Variants in USP6 observed in about 807,000 individuals in gnomAD.
The protein encoded by USP6 is ubiquitin specific peptidase 6.
A neutral mutation model predicts 175.7 loss-of-function variants in USP6; 128 were observed. The ratio of observed to expected loss-of-function variants is 0.73; its 90% CI spans 0.63 to 0.84. USP6 has a LOEUF of 0.84. Among genes scored for constraint, USP6 ranks in the 40% least tolerant of loss-of-function variants. The pLI, the probability that USP6 is intolerant of heterozygous loss-of-function variation, is 0.00. For missense variants in USP6, 1,498 were observed against 1,760.3 expected (o/e 0.85, Z 2.67); for synonymous variants, 562 against 630.6 (o/e 0.89, Z 1.63).
chr17:5,137,185 G>T lies in USP6; in HGVS notation c.824G>T (p.Gly275Val). 1 of 1,612,894 alleles carries T rather than the reference G, an allele frequency of 6.2e-7. No individual in the cohort carries two copies. Among genetic ancestry groups the T allele is most frequent in the East Asian group, 2.2e-5 (1 of 44,854 alleles). Residue 275 changes from glycine to valine, a missense_variant and splice_region_variant, in exon 19 of 38, where the codon GGG becomes GTG. By Grantham distance (109) the Gly-to-Val change is moderately radical. Transcript: ENST00000574788. ...TGCCTTCTCCGGAACCTGATTGACGGGGTAAGGAGGCATAGGGAGACCCTG... is the reference window on the plus strand; with the variant it reads ...TGCCTTCTCCGGAACCTGATTGACGTGGTAAGGAGGCATAGGGAGACCCTG... ...LGCLLRNLID[G>V]ISLGLTLRLW... is the part of the protein sequence containing the mutation.
At chr17:5,131,253 A>G (rs1444350720) in intron 11 of USP6, among the ~76,000 whole-genome samples, 1 of 151,586 alleles carries the variant, frequency 6.6e-6, no homozygotes, top group African/African-American at 2.4e-5. Flanking sequence ...CAGTGAGACT[A>G]GGGAGGCAGC....
chr17:5,141,278 C>G (rs1003103700), intron 22 of USP6, 147 bp from the exon 23 acceptor site: 10 of 675,328 alleles, frequency 1.5e-5, no homozygotes, highest in Non-Finnish European at 2.1e-5. Flanking sequence ...GTAACCTCAT[C>G]ATTAAGCAAT....
At position 5,159,009 on chromosome 17, in the gene USP6, T is replaced by C. The variant is rs77868015; in HGVS notation, c.2829-2519T>C. On this transcript the variant is annotated intron_variant, in intron 31 of 37. Transcript: ENST00000574788. ...TTTTTATAGTTGTGTAAAGAATACA[T>C]GGGGTATTTCATTGCATAGTTCTCA... 3.9e-3 allele frequency among the ~76,000 whole-genome samples: 594 copies of C among 152,296 alleles called. 5 individuals are homozygous for C. Among genetic ancestry groups the C allele is most frequent in the Non-Finnish European group, 6.2e-3 (419 of 68,028 alleles).
chr17:5,137,303 G>A lies in USP6; in HGVS notation c.825+117G>A, dbSNP rs1299613552. 1.7e-5 allele frequency: 23 copies of A among 1,345,600 alleles called. No individual in the cohort carries two copies. In the East Asian group the frequency reaches 2.1e-4, roughly 12 times the overall value. 83.4% of individuals were successfully genotyped at this position (1,345,600 alleles called of 1,614,324 possible). On this transcript the variant is annotated intron_variant, in intron 19 of 37. Coordinates refer to ENST00000574788, the MANE Select transcript of USP6 (RefSeq NM_001304284.2). ...CCACAGGAGGCTCAGGCGGGTCCCCGAAGGACACACAAGCAAAACCCTCTG... is the reference window on the plus strand; with the variant it reads ...CCACAGGAGGCTCAGGCGGGTCCCCAAAGGACACACAAGCAAAACCCTCTG...
chr17:5,170,764 A>T lies in USP6; in HGVS notation c.3803A>T (p.Asn1268Ile), dbSNP rs748123477. The T allele has an allele frequency of 6.2e-7, 1 of 1,613,950 alleles. No individual in the cohort carries two copies. The highest frequency in any genetic ancestry group is 1.1e-5 in the South Asian group (1 of 91,072). Residue 1268 changes from asparagine (N) to isoleucine (I), a missense_variant, in exon 36 of 38, where the codon AAT (asparagine) becomes ATT (isoleucine). Transcript: ENST00000574788. ...CAGGACCATGAGGTAGCTTTGGCCA[A>T]TGGATTCCTTTATGAGCATGAAGCA... ...TPQDHEVALA[N>I]GFLYEHEACG... is the part of the protein sequence containing the mutation.
chr17:5,116,804 A>G (rs965548969), intron 1 of USP6, 64 bp downstream of exon 1: 3 of 152,284 alleles, frequency 2.0e-5, no homozygotes, highest in African/African-American at 7.2e-5. Flanking sequence ...CAGGGTTAAC[A>G]GTTGCACTCA....
At chr17:5,165,778 A>G (rs2074084446) in intron 33 of USP6, among the ~76,000 whole-genome samples, 1 of 152,188 alleles carries the variant, frequency 6.6e-6, no homozygotes, top group African/African-American at 2.4e-5. Context: ...AAACAGTAGT[A>G]GAGGATCTAA....
chr17:5,172,490 C>T (rs1337391089), intron 37 of USP6, among the ~76,000 whole-genome samples: 1 of 152,160 alleles, frequency 6.6e-6, no homozygotes, highest in Non-Finnish European at 1.5e-5. Flanking sequence ...GAGATTGCAC[C>T]AGTGCACACC....
At position 5,142,158 on chromosome 17, in the gene USP6, C is replaced by T. The variant is rs778621363; in HGVS notation, c.1712+17C>T. ...ACTCAACAGGTAAACTTTCTTGAGT[C>T]ACTGGCCTCTTAACCTGTGACTTTG... On this transcript the variant is annotated intron_variant, in intron 24 of 37. Coordinates refer to ENST00000574788, the MANE Select transcript of USP6 (RefSeq NM_001304284.2). 4 of 1,607,576 alleles carry T rather than the reference C, an allele frequency of 2.5e-6. No homozygotes were observed. The highest frequency in any genetic ancestry group is 1.7e-6 in the Non-Finnish European group (2 of 1,176,916).
rs535495237 is a variant in USP6, at chr17:5,156,971, C to A, written c.2828+1365C>A. Among the ~76,000 whole-genome samples, 11 of 152,042 alleles carry A rather than the reference C, an allele frequency of 7.2e-5. No homozygotes were observed. The East Asian group carries it at 9.6e-4, about 13-fold the overall frequency. On this transcript the variant is annotated intron_variant, in intron 31 of 37. Coordinates refer to ENST00000574788, the MANE Select transcript of USP6 (RefSeq NM_001304284.2). ...TCTCAAACTCCTGGCCTCAAGTGAT[C>A]CATCTACCTCAGCCTCCCAAAGTAC...
intron 6 of USP6, among the ~76,000 whole-genome samples, chr17:5,126,251 C>T (rs1027017650): frequency 5.9e-5 from 9 of 152,280 alleles, no homozygotes; most frequent in Admixed American, 3.3e-4. Context: ...AAGCCAAGTG[C>T]GCAAGTTTCC....
At chr17:5,141,336 A>C (rs2073439595) in intron 22 of USP6, 89 bp from the exon 23 acceptor site, 1 of 1,178,504 alleles carries the variant, frequency 8.5e-7, no homozygotes, top group Admixed American at 2.5e-5. Context: ...TTTAGGAATA[A>C]GATGTCTTTA....
At chr17:5,149,808 T>C (rs1247559369) in intron 30 of USP6, among the ~76,000 whole-genome samples, 1 of 151,938 alleles carries the variant, frequency 6.6e-6, no homozygotes, top group African/African-American at 2.4e-5. Context: ...GACTCTTTGG[T>C]AAAAAAGAAA....
In USP6 at chr17:5,142,023, A is replaced by T. The variant is rs148297467; in HGVS notation, c.1594A>T (p.Thr532Ser). The T allele has an allele frequency of 6.2e-7, 1 of 1,613,200 alleles. No homozygotes were observed. Among genetic ancestry groups the T allele is most frequent in the African/African-American group, 1.3e-5 (1 of 74,922 alleles). The change falls in exon 24 of 38, where the codon ACA (threonine) becomes TCA (serine). Residue 532 changes from threonine (T) to serine (S), a missense_variant. By Grantham distance (58) the Thr-to-Ser change is moderately conservative. This residue lies in a region of USP6 where 1,217 missense variants were observed against 1,500.8 expected (regional missense o/e 0.81). Transcript: ENST00000574788. The stretch of plus-strand genomic sequence containing the variant: ...TCCAGTTCCCACAGAAAAGGGAGCC[A>T]CAGGTCTAAGCAACCTGGGAAACAC... ...RQKVPTEKGA[T>S]GLSNLGNTCF... is the part of the protein sequence containing the mutation.
chr17:5,119,946 C>G (rs2072615117), intron 2 of USP6, among the ~76,000 whole-genome samples: 2 of 152,094 alleles, frequency 1.3e-5, no homozygotes, highest in Admixed American at 1.3e-4. Flanking sequence ...TCTCTGCCCC[C>G]TCTCCTGCCT....
intron 30 of USP6, among the ~76,000 whole-genome samples, chr17:5,155,184 C>T (rs2073854707): frequency 1.3e-5 from 2 of 152,144 alleles, no homozygotes; most frequent in African/African-American, 2.4e-5. Flanking sequence ...ATTGCTGAAA[C>T]CCAAGTTTGA....
chr17:5,132,902 TTTGACAG>T lies in USP6; in HGVS notation c.196-7_196-1del. 6.2e-7 allele frequency: 1 copy of T among 1,614,092 alleles called. No individual in the cohort carries two copies. Among genetic ancestry groups the T allele is most frequent in the Non-Finnish European group, 8.5e-7 (1 of 1,179,984 alleles). On this transcript the variant is annotated splice_acceptor_variant and splice_polypyrimidine_tract_variant and intron_variant, in intron 12 of 37. Transcript: ENST00000574788. LOFTEE classifies it high-confidence loss of function. This position sits in a 1 kb window ranked among gnomAD's most constrained non-coding sequence, Gnocchi z 4.7. Reference sequence around the variant, plus strand: ...GCTCCACTAACTCCAACATGCCTCATTTGACAGAAAATTCGGCGGGAGATGACACGAA... The same window carrying T: ...GCTCCACTAACTCCAACATGCCTCATAAAATTCGGCGGGAGATGACACGAA...
intron 17 of USP6, 70 bp downstream of exon 17, chr17:5,135,998 C>A (rs1474599688): frequency 6.3e-7 from 1 of 1,594,502 alleles, no homozygotes; most frequent in Admixed American, 1.7e-5. Context: ...CAGGTGATCT[C>A]GGCTTTCAGC....
At chr17:5,126,296 C>A (rs2072892458) in intron 6 of USP6, among the ~76,000 whole-genome samples, 1 of 152,166 alleles carries the variant, frequency 6.6e-6, no homozygotes, top group Non-Finnish European at 1.5e-5. Flanking sequence ...ACTGCAGATC[C>A]TCCCCAAAAG....
Sources: allele counts gnomAD v4.1 joint callset (sites outside exome capture counted in the v4.1 genomes callset), GRCh38; gene constraint gnomAD v4.1.1; regional missense constraint gnomAD v4.1.1; non-coding constraint Gnocchi (gnomAD v3.1); transcripts MANE v1.5; gene names NCBI Gene and HGNC (gene_info 2026-07-23, HGNC 2026-07-21).